Variants in MTMR3 observed in about 807,000 individuals in gnomAD.
MTMR3 encodes the protein myotubularin related protein 3, also known as phosphatidylinositol-3,5-bisphosphate 3-phosphatase MTMR3.
MTMR3 carries 32 observed loss-of-function variants against 132.4 expected under a neutral mutation model. That is an observed-to-expected ratio of 0.24 (90% CI 0.18 to 0.32). The LOEUF is 0.32. Ranked by LOEUF, MTMR3 falls within the 10% of genes least tolerant of loss-of-function variation. The pLI, the probability that MTMR3 is intolerant of heterozygous loss-of-function variation, is 1.00. For missense variants in MTMR3, 1,216 were observed against 1,489.6 expected (o/e 0.82, Z 3.02); for synonymous variants, 556 against 550.3 (o/e 1.01, Z -0.14).
At chr22:29,986,151 T>A (rs539091361) in intron 5 of MTMR3, 2 of 152,236 alleles carry the variant, frequency 1.3e-5, no homozygotes, top group Admixed American at 1.3e-4. Context: ...CCAGGCCCCA[T>A]GACTGAGATT....
At position 30,002,860 on chromosome 22, in the gene MTMR3, ACTTCTCAT is replaced by A. The variant is rs1404223047; in HGVS notation, c.558-13_558-6del. On this transcript the variant is annotated splice_polypyrimidine_tract_variant and intron_variant, in intron 8 of 19. Transcript: ENST00000401950. The stretch of plus-strand genomic sequence containing the variant: ...CTCTCTTATCCCCTTGACTCTCCCC[ACTTCTCAT>A]CTTCTCTTTAGATTATGTGGTAGCT... 3.2e-6 allele frequency: 5 copies of A among 1,586,300 alleles called. No homozygotes were observed.
chr22:29,962,960 G>A (rs908174715), intron 2 of MTMR3, among the ~76,000 whole-genome samples: 1 of 140,374 alleles, frequency 7.1e-6, no homozygotes, highest in African/African-American at 2.7e-5. Flanking sequence ...CTAGGCTTCT[G>A]GTGTGCCGTG....
chr22:29,898,910 A>ATT (rs765945778), intron 1 of MTMR3, among the ~76,000 whole-genome samples: 1 of 78,378 alleles, frequency 1.3e-5, no homozygotes, highest in Non-Finnish European at 2.6e-5. Flanking sequence ...AATTTCTCAC[A>ATT]TCTTTTTTTT....
chr22:29,941,100 A>G (rs536764090), intron 1 of MTMR3, among the ~76,000 whole-genome samples: 2 of 145,130 alleles, frequency 1.4e-5, no homozygotes, highest in South Asian at 2.1e-4. Context: ...CCAAACTACT[A>G]TTCTCTTTCC....
intron 1 of MTMR3, among the ~76,000 whole-genome samples, chr22:29,912,717 CTTAA>C (rs2065237571): frequency 6.6e-6 from 1 of 152,060 alleles, no homozygotes; most frequent in Admixed American, 6.5e-5. Flanking sequence ...ATTGGAAGGC[CTTAA>C]TAGGATCAAT....
chr22:29,972,014 A>G (rs774129724), intron 3 of MTMR3, among the ~76,000 whole-genome samples: 1 of 152,218 alleles, frequency 6.6e-6, no homozygotes, highest in African/African-American at 2.4e-5. Flanking sequence ...CAAAAAAACT[A>G]GTTGTGCAGA....
At chr22:29,951,928 C>G (rs1012623991) in intron 1 of MTMR3, among the ~76,000 whole-genome samples, 1 of 134,626 alleles carries the variant, frequency 7.4e-6, no homozygotes, top group African/African-American at 2.7e-5. Flanking sequence ...CTCACTCTAT[C>G]AAGTGGAGTG....
intron 1 of MTMR3, among the ~76,000 whole-genome samples, chr22:29,909,558 T>G (rs1302103865): frequency 6.6e-6 from 1 of 152,164 alleles, no homozygotes; most frequent in South Asian, 2.1e-4. Flanking sequence ...ATTACCTACT[T>G]TGTAGAGTTG....
intron 2 of MTMR3, among the ~76,000 whole-genome samples, chr22:29,964,305 G>C (rs2066372313): frequency 1.3e-5 from 2 of 152,166 alleles, no homozygotes; most frequent in Non-Finnish European, 2.9e-5. Context: ...CTAAGGATTG[G>C]TCACATCTGC....
At chr22:29,949,481 G>A (rs1264722363) in intron 1 of MTMR3, among the ~76,000 whole-genome samples, 1 of 145,626 alleles carries the variant, frequency 6.9e-6, no homozygotes, top group African/African-American at 2.6e-5. Flanking sequence ...GGGTGATAAA[G>A]TAAGACTCTG....
chr22:30,018,748 A>AG (rs1486804158), intron 16 of MTMR3: 1 of 152,030 alleles, frequency 6.6e-6, no homozygotes, highest in East Asian at 1.9e-4. Context: ...GGAAAAAAAA[A>AG]AAAGAAAAGA....
At chr22:30,010,276 A>C (rs1427023873) in intron 12 of MTMR3, 1 of 152,202 alleles carries the variant, frequency 6.6e-6, no homozygotes, top group Non-Finnish European at 1.5e-5. Flanking sequence ...AAAATGAAAG[A>C]CATGTAATCA....
At chr22:29,936,238 A>G (rs2065747719) in intron 1 of MTMR3, among the ~76,000 whole-genome samples, 1 of 152,216 alleles carries the variant, frequency 6.6e-6, no homozygotes, top group Non-Finnish European at 1.5e-5. Flanking sequence ...CTGTAACCCC[A>G]TAATGAATTT....
chr22:29,959,973 C>T (rs1333802915), intron 2 of MTMR3, among the ~76,000 whole-genome samples: 1 of 151,706 alleles, frequency 6.6e-6, no homozygotes, highest in Non-Finnish European at 1.5e-5. Flanking sequence ...CATTATGTTG[C>T]TCAGGGTGGT....
chr22:29,896,125 C>A (rs1344401932), intron 1 of MTMR3, among the ~76,000 whole-genome samples: 1 of 152,054 alleles, frequency 6.6e-6, no homozygotes, highest in East Asian at 1.9e-4. Flanking sequence ...GCCTGGCCAA[C>A]GTGGTGAAAC....
chr22:29,919,185 G>A (rs557982306), intron 1 of MTMR3, among the ~76,000 whole-genome samples: 2 of 152,188 alleles, frequency 1.3e-5, no homozygotes, highest in South Asian at 2.1e-4. Flanking sequence ...AAGTTACCTC[G>A]TTTTTTGCTT....
At chr22:29,895,300 A>G (rs1008168214) in intron 1 of MTMR3, among the ~76,000 whole-genome samples, 5 of 152,222 alleles carry the variant, frequency 3.3e-5, no homozygotes, top group Non-Finnish European at 5.9e-5. Flanking sequence ...TGAATTTTAA[A>G]TCATTGTAAC....
intron 1 of MTMR3, among the ~76,000 whole-genome samples, chr22:29,898,274 A>G (rs1167234343): frequency 6.6e-6 from 1 of 152,224 alleles, no homozygotes; most frequent in Non-Finnish European, 1.5e-5. Context: ...GTCAAGCTAT[A>G]TATATTGTTC....
intron 1 of MTMR3, among the ~76,000 whole-genome samples, chr22:29,935,272 G>T (rs572341363): frequency 3.3e-5 from 5 of 152,278 alleles, no homozygotes; most frequent in South Asian, 4.1e-4. Flanking sequence ...AAGTGTTCCT[G>T]TTTATTAGCT....
Sources: allele counts gnomAD v4.1 joint callset (sites outside exome capture counted in the v4.1 genomes callset), GRCh38; gene constraint gnomAD v4.1.1; transcripts MANE v1.5; gene names NCBI Gene and HGNC (gene_info 2026-07-23, HGNC 2026-07-21).